PCBD2: variants seen among roughly 807,000 people sequenced by gnomAD.
PCBD2 encodes the protein pterin-4-alpha-carbinolamine dehydratase 2.
Under a neutral mutation model 16.4 loss-of-function variants are expected in PCBD2, and 12 were observed. The ratio of observed to expected loss-of-function variants is 0.73; its 90% CI spans 0.47 to 1.19. PCBD2 has a LOEUF of 1.19. PCBD2 is among the 50% of genes most tolerant of loss of function. PCBD2 has a pLI of 0.00. For synonymous variants in PCBD2, 58 were observed against 61.8 expected (o/e 0.94, Z 0.29); for missense variants, 138 against 156.8 (o/e 0.88, Z 0.64).
At chr5:134,914,153 C>A (rs1208773810) in intron 2 of PCBD2, among the ~76,000 whole-genome samples, 2 of 152,068 alleles carry the variant, frequency 1.3e-5, no homozygotes, top group East Asian at 3.9e-4. Flanking sequence ...GCAGTGGAGG[C>A]ACAGCGATGA....
At chr5:134,911,180 C>T (rs865880354) in intron 2 of PCBD2, among the ~76,000 whole-genome samples, 3 of 152,144 alleles carry the variant, frequency 2.0e-5, no homozygotes, top group African/African-American at 7.2e-5. Flanking sequence ...TTTTCTGGGC[C>T]GTTGGTAATT....
rs1047492280 is a variant in PCBD2 at position 134,906,166 on chromosome 5, G to T, written c.84+943G>T. ...TGGGATTACAGGCGCGAGCCACTGC[G>T]CCTGGCCTGAAATTCTTTAATAGAA... On this transcript the variant is annotated intron_variant, in intron 1 of 3. Transcript: ENST00000254908. Among the ~76,000 whole-genome samples, 16 of 144,722 alleles carry T rather than the reference G, an allele frequency of 1.1e-4. No homozygotes were observed. The East Asian group carries it at 3.2e-3, about 29-fold the overall frequency. 94.9% of individuals were successfully genotyped at this position (144,722 alleles called of 152,430 possible).
At chr5:134,940,331 T>A (rs972036669) in intron 2 of PCBD2, among the ~76,000 whole-genome samples, 1 of 152,200 alleles carries the variant, frequency 6.6e-6, no homozygotes, top group Non-Finnish European at 1.5e-5. Flanking sequence ...ACCCTGTTGG[T>A]CTCCTGAGGC....
chr5:134,953,871 G>A (rs939442449), intron 2 of PCBD2, among the ~76,000 whole-genome samples: 2 of 151,978 alleles, frequency 1.3e-5, no homozygotes, highest in Non-Finnish European at 2.9e-5. Context: ...CCCCCTCAAA[G>A]CAATATTGAA....
intron 2 of PCBD2, among the ~76,000 whole-genome samples, chr5:134,956,844 A>T (rs750130817): frequency 2.0e-5 from 3 of 152,224 alleles, no homozygotes; most frequent in Non-Finnish European, 4.4e-5. Flanking sequence ...TGACAGCAGT[A>T]TGTGCCATTA....
At chr5:134,908,398 C>G (rs1377695405) in intron 1 of PCBD2, among the ~76,000 whole-genome samples, 2 of 152,036 alleles carry the variant, frequency 1.3e-5, no homozygotes, top group Non-Finnish European at 2.9e-5. Flanking sequence ...GGCACAGTGG[C>G]TCACGCCTGT....
At chr5:134,952,793 G>A (rs1442301584) in intron 2 of PCBD2, among the ~76,000 whole-genome samples, 2 of 149,978 alleles carry the variant, frequency 1.3e-5, no homozygotes, top group East Asian at 1.9e-4. Flanking sequence ...GAGATAGAGC[G>A]AGACCCTGTC....
At chr5:134,918,178 ATGCCT>A (rs1176026895) in intron 2 of PCBD2, among the ~76,000 whole-genome samples, 1 of 152,198 alleles carries the variant, frequency 6.6e-6, no homozygotes, top group African/African-American at 2.4e-5. Context: ...CCCAAAGAGG[ATGCCT>A]GTGGCCTGGG....
At chr5:134,909,836 A>G (rs904329718) in intron 1 of PCBD2, among the ~76,000 whole-genome samples, 1 of 152,226 alleles carries the variant, frequency 6.6e-6, no homozygotes, top group Non-Finnish European at 1.5e-5. Flanking sequence ...TGGGAGGTCC[A>G]GGTGGGCAGA....
chr5:134,953,033 G>T (rs923231157), intron 2 of PCBD2, among the ~76,000 whole-genome samples: 25 of 145,310 alleles, frequency 1.7e-4, no homozygotes, highest in African/African-American at 4.5e-4. Flanking sequence ...TTATTAACAA[G>T]TTTTTTTTTT....
intron 2 of PCBD2, among the ~76,000 whole-genome samples, chr5:134,917,324 T>C (rs180744529): frequency 1.3e-4 from 20 of 152,388 alleles, no homozygotes; most frequent in Admixed American, 2.0e-4. Context: ...CCCAGAAGGC[T>C]GTCCCTGTTC....
Position 134,950,625 on chromosome 5 carries a change from C to A in PCBD2, c.217-8415C>A, listed in dbSNP as rs189915943. Among the ~76,000 whole-genome samples, 296 of 152,268 alleles carry A rather than the reference C, an allele frequency of 1.9e-3. 6 individuals carry two copies. The Middle Eastern group carries it at 0.02, about 10-fold the overall frequency. ...CTTGATTTGGGGTTCATGGAAAAATCTTTAATTGCTGATGGTTTGGAGATT... is the reference window on the plus strand; with the variant it reads ...CTTGATTTGGGGTTCATGGAAAAATATTTAATTGCTGATGGTTTGGAGATT... On this transcript the variant is annotated intron_variant, in intron 2 of 3. Coordinates refer to ENST00000254908, the MANE Select transcript of PCBD2 (RefSeq NM_032151.5).
chr5:134,913,611 T>A (rs1750794705), intron 2 of PCBD2, among the ~76,000 whole-genome samples: 1 of 152,094 alleles, frequency 6.6e-6, no homozygotes, highest in Non-Finnish European at 1.5e-5. Context: ...CAGAGAAGTG[T>A]CATCCTGTGG....
At chr5:134,915,202 C>A (rs1750816483) in intron 2 of PCBD2, among the ~76,000 whole-genome samples, 1 of 151,858 alleles carries the variant, frequency 6.6e-6, no homozygotes, top group South Asian at 2.1e-4. Flanking sequence ...GTAATCCCAG[C>A]TACTCAGGAG....
At chr5:134,931,174 T>C (rs1207065937) in intron 2 of PCBD2, among the ~76,000 whole-genome samples, 2 of 152,198 alleles carry the variant, frequency 1.3e-5, no homozygotes, top group East Asian at 3.8e-4. Context: ...TGCCTTGGCC[T>C]CCCAGCACTT....
At chr5:134,928,115 G>C (rs1347613553) in intron 2 of PCBD2, 3 of 392,758 alleles carry the variant, frequency 7.6e-6, no homozygotes, top group Non-Finnish European at 1.4e-5. Flanking sequence ...GCCTACTGCT[G>C]CCTTGCAGGC....
chr5:134,942,914 T>C (rs1751246317), intron 2 of PCBD2, among the ~76,000 whole-genome samples: 1 of 152,252 alleles, frequency 6.6e-6, no homozygotes, highest in African/African-American at 2.4e-5. Context: ...AAATGTATTT[T>C]TAAAATGTCT....
chr5:134,907,390 C>G (rs182665869), intron 1 of PCBD2, among the ~76,000 whole-genome samples: 1 of 152,108 alleles, frequency 6.6e-6, no homozygotes, highest in Non-Finnish European at 1.5e-5. Flanking sequence ...ACTATAGGCG[C>G]GTGCCACCAC....
Position 134,935,421 on chromosome 5 carries a change from C to T in PCBD2, c.217-23619C>T, listed in dbSNP as rs185620149. 1.5e-3 allele frequency among the ~76,000 whole-genome samples: 235 copies of T among 152,260 alleles called. 1 individual carries two copies. Among genetic ancestry groups the T allele is most frequent in the African/African-American group, 5.4e-3 (224 of 41,530 alleles). On this transcript the variant is annotated intron_variant, in intron 2 of 3. Transcript: ENST00000254908. ...CCCCATTATCCTTTGAGTCATCTCC[C>T]ACATGTTACGATTTGCACACCTGCA...
Sources: allele counts gnomAD v4.1 joint callset (sites outside exome capture counted in the v4.1 genomes callset), GRCh38; gene constraint gnomAD v4.1.1; transcripts MANE v1.5; gene names NCBI Gene and HGNC (gene_info 2026-07-23, HGNC 2026-07-21).